The following SPATA17 variants were observed in gnomAD, a reference collection of about 807,000 sequenced individuals.
SPATA17 encodes the protein spermatogenesis-associated protein 17.
SPATA17 carries 53 observed loss-of-function variants against 62.2 expected under a neutral mutation model. That is an observed-to-expected ratio of 0.85 (90% CI 0.68 to 1.07). SPATA17 has a LOEUF of 1.07. Ranked by LOEUF, SPATA17 falls within the 50% of genes least tolerant of loss-of-function variation. SPATA17 has a pLI of 0.00. For missense variants in SPATA17, 466 were observed against 425.5 expected (o/e 1.10, Z -0.84); for synonymous variants, 146 against 146.8 (o/e 0.99, Z 0.04).
At chr1:217,831,493 T>C (rs989139506) in intron 9 of SPATA17, among the ~76,000 whole-genome samples, 4 of 152,140 alleles carry the variant, frequency 2.6e-5, no homozygotes, top group Non-Finnish European at 4.4e-5. Flanking sequence ...ATCTCCTTCC[T>C]TAGGAATGCC....
At chr1:217,717,773 C>A (rs537609729) in intron 5 of SPATA17, among the ~76,000 whole-genome samples, 1 of 152,106 alleles carries the variant, frequency 6.6e-6, no homozygotes, top group Admixed American at 6.5e-5. Context: ...CCTCTTTGAC[C>A]CTTTGAGCAA....
chr1:217,837,462 T>C (rs1675287705), intron 9 of SPATA17, among the ~76,000 whole-genome samples: 1 of 152,146 alleles, frequency 6.6e-6, no homozygotes, highest in Non-Finnish European at 1.5e-5. Flanking sequence ...AGTTAACAGC[T>C]GTTTACTAAC....
rs1469026730 is a variant in SPATA17 at position 217,657,061 on chromosome 1, T to C, written c.240+5883T>C. ...GAGCCTTCATTCAAAAGATGTCCATTGTCTAAGATGATGTGTTTGAACCTT... is the reference window on the plus strand; with the variant it reads ...GAGCCTTCATTCAAAAGATGTCCATCGTCTAAGATGATGTGTTTGAACCTT... On this transcript the variant is annotated intron_variant, in intron 3 of 10. Transcript: ENST00000366933. Among the ~76,000 whole-genome samples the C allele has an allele frequency of 2.6e-5, 4 of 152,140 alleles. No individual in the cohort carries two copies. In the East Asian group the frequency reaches 7.7e-4, roughly 29 times the overall value.
chr1:217,645,449 T>C (rs1271740197), intron 1 of SPATA17, among the ~76,000 whole-genome samples: 1 of 152,158 alleles, frequency 6.6e-6, no homozygotes, highest in Non-Finnish European at 1.5e-5. Flanking sequence ...ATATTTTTCT[T>C]CCATTTTTAT....
intron 3 of SPATA17, among the ~76,000 whole-genome samples, chr1:217,651,480 C>G (rs1670311952): frequency 6.6e-6 from 1 of 152,148 alleles, no homozygotes; most frequent in African/African-American, 2.4e-5. Context: ...AGATGGTGAG[C>G]TTTTTGAGAG....
At chr1:217,850,434 C>G in intron 9 of SPATA17, 4 of 1,327,630 alleles carry the variant, frequency 3.0e-6, no homozygotes, top group Non-Finnish European at 4.3e-6. Context: ...GGACCAGGTA[C>G]AGGGTCAACT....
rs1341968317 is a variant in SPATA17, at chr1:217,774,318, CT to C, written c.520-13del. 1 of 1,594,398 alleles carries C rather than the reference CT, an allele frequency of 6.3e-7. No homozygotes were observed. The highest frequency in any genetic ancestry group is 8.5e-7 in the Non-Finnish European group (1 of 1,170,254). ...AAAATTAAAGAAAAAATCAAAATTG[CT>C]TTCTTCTTCTTTAGATTCCAGGAAT... On this transcript the variant is annotated splice_polypyrimidine_tract_variant and intron_variant, in intron 6 of 10. Coordinates refer to ENST00000366933, the MANE Select transcript of SPATA17 (RefSeq NM_138796.4).
intron 5 of SPATA17, among the ~76,000 whole-genome samples, chr1:217,710,862 A>G (rs534442460): frequency 1.3e-5 from 2 of 152,142 alleles, no homozygotes; most frequent in South Asian, 2.1e-4. Context: ...CTAGATAACC[A>G]CTAGTCTACT....
At chr1:217,707,295 G>T (rs957804051) in intron 5 of SPATA17, among the ~76,000 whole-genome samples, 29 of 152,282 alleles carry the variant, frequency 1.9e-4, no homozygotes, top group African/African-American at 6.0e-4. Context: ...AAACTTTGCT[G>T]AAGTTGTTAT....
Position 217,652,347 on chromosome 1 carries a change from T to G in SPATA17, c.240+1169T>G, listed in dbSNP as rs565998606. ...CCTGGGTTCAAGCGATTCTCCTGCC[T>G]TAGCTTTCTGAGTAGCTGGGATTAC... On this transcript the variant is annotated intron_variant, in intron 3 of 10. Coordinates refer to ENST00000366933, the MANE Select transcript of SPATA17 (RefSeq NM_138796.4). Among the ~76,000 whole-genome samples the G allele has an allele frequency of 5.3e-5, 8 of 152,302 alleles. No individual in the cohort carries two copies. In the East Asian group the frequency reaches 1.4e-3, roughly 26 times the overall value.
At chr1:217,780,488 T>C (rs1197492257) in intron 7 of SPATA17, among the ~76,000 whole-genome samples, 1 of 152,142 alleles carries the variant, frequency 6.6e-6, no homozygotes, top group African/African-American at 2.4e-5. Flanking sequence ...CATTTTGTAG[T>C]CTCATTGGAA....
chr1:217,782,823 A>C (rs199917659), intron 8 of SPATA17, among the ~76,000 whole-genome samples: 1 of 151,302 alleles, frequency 6.6e-6, no homozygotes, highest in East Asian at 1.9e-4. Context: ...GTAATTTTAA[A>C]TTTTTTTTAG....
chr1:217,861,486 G>C (rs561188273), intron 9 of SPATA17, among the ~76,000 whole-genome samples: 1 of 151,472 alleles, frequency 6.6e-6, no homozygotes, highest in African/African-American at 2.4e-5. Flanking sequence ...GCTTCATGCA[G>C]ATGTCTAAAC....
rs1294257618 is a variant in SPATA17, at chr1:217,864,636, G to GGTATCTTTCT, written c.*2+1782_*2+1783insATCTTTCTGT. ...CTGTTAATGGTGGTTATCTCTGGGT[G>GGTATCTTTCT]GTGAGATTATGAGTACTTTCTGTGG... On this transcript the variant is annotated intron_variant, in intron 10 of 10. Coordinates refer to ENST00000366933, the MANE Select transcript of SPATA17 (RefSeq NM_138796.4). 8.4e-4 allele frequency among the ~76,000 whole-genome samples: 127 copies of GGTATCTTTCT among 151,938 alleles called. No individual in the cohort carries two copies. In the East Asian group the frequency reaches 0.015, roughly 17 times the overall value.
chr1:217,747,927 G>A (rs1672803664), intron 6 of SPATA17, among the ~76,000 whole-genome samples: 1 of 152,066 alleles, frequency 6.6e-6, no homozygotes, highest in East Asian at 1.9e-4. Context: ...TTGTATTTTT[G>A]AGGAAGCCAA....
At position 217,669,169 on chromosome 1, in the gene SPATA17, G is replaced by T. The variant is rs1670779309; in HGVS notation, c.291+86G>T. ...AATAAAATGAGCAAAGCAGAATAAT[G>T]CAAATTTGATTGATATGCTAATGGT... On this transcript the variant is annotated intron_variant, in intron 4 of 10. Transcript: ENST00000366933. The T allele has an allele frequency of 4.7e-5, 55 of 1,181,806 alleles. 2 individuals are homozygous for T. In the South Asian group the frequency reaches 7.3e-4, roughly 16 times the overall value. The allele number at this position is 1,181,806 out of a possible 1,614,324, so 73.2% of individuals were successfully genotyped here.
chr1:217,717,729 T>C (rs1672040420), intron 5 of SPATA17, among the ~76,000 whole-genome samples: 1 of 152,194 alleles, frequency 6.6e-6, no homozygotes, highest in African/African-American at 2.4e-5. Flanking sequence ...ATAGAAATGA[T>C]AGGCGCTTTT....
Position 217,784,782 on chromosome 1 carries a change from C to G in SPATA17, c.872+2460C>G, listed in dbSNP as rs144447069. Reference sequence around the variant, plus strand: ...AGATGGGCTGGATTTTATCCCCTAGCCTGGAGAACCAGAAGTTGAGGAGGA... The same window carrying G: ...AGATGGGCTGGATTTTATCCCCTAGGCTGGAGAACCAGAAGTTGAGGAGGA... On this transcript the variant is annotated intron_variant, in intron 8 of 10. Coordinates refer to ENST00000366933, the MANE Select transcript of SPATA17 (RefSeq NM_138796.4). Among the ~76,000 whole-genome samples the G allele has an allele frequency of 2.0e-4, 31 of 152,228 alleles. No individual in the cohort carries two copies. The East Asian group carries it at 5.6e-3, about 27-fold the overall frequency.
At chr1:217,635,954 G>C (rs536383754) in intron 1 of SPATA17, among the ~76,000 whole-genome samples, 3 of 151,686 alleles carry the variant, frequency 2.0e-5, no homozygotes, top group Non-Finnish European at 4.4e-5. Flanking sequence ...CCAACATGGA[G>C]AAACCCCGTC....
Sources: gnomAD v4.1 joint callset for allele counts (sites outside exome capture counted in the v4.1 genomes callset) on GRCh38, gnomAD v4.1.1 for gene constraint, MANE v1.5 for transcripts, NCBI Gene and HGNC (gene_info 2026-07-23, HGNC 2026-07-21) for gene names.